FAM76A: variants seen among roughly 807,000 people sequenced by gnomAD.
FAM76A encodes the protein family with sequence similarity 76 member A, also known as protein FAM76A.
In FAM76A, 32 loss-of-function variants were observed where a neutral mutation model predicts 46.2. The ratio of observed to expected loss-of-function variants is 0.69; its 90% CI spans 0.52 to 0.93. The LOEUF (loss-of-function observed/expected upper bound fraction) is 0.93, where lower values mean the gene tolerates loss of function less well. Ranked by LOEUF, FAM76A falls within the 40% of genes least tolerant of loss-of-function variation. The probability of loss-of-function intolerance (pLI) is 0.00; values close to 1 mark genes in which losing one functional copy is unlikely to be tolerated. For synonymous variants in FAM76A, 137 were observed against 127.0 expected (o/e 1.08, Z -0.53); for missense variants, 274 against 361.5 (o/e 0.76, Z 1.96).
intron 4 of FAM76A, chr1:27,740,048 C>T: frequency 2.5e-6 from 1 of 400,812 alleles, no homozygotes; most frequent in Middle Eastern, 4.3e-4. Flanking sequence ...TCTGGGTCCA[C>T]CTGGATGTCA....
Position 27,760,496 on chromosome 1 carries a change from C to T in FAM76A, c.839C>T (p.Ala280Val). 6.2e-7 allele frequency: 1 copy of T among 1,605,290 alleles called. No individual in the cohort carries two copies. The highest frequency in any genetic ancestry group is 8.5e-7 in the Non-Finnish European group (1 of 1,176,090). The change falls in exon 9 of 9, where the codon GCC becomes GTC. Residue 280 changes from alanine (A) to valine (V), a missense_variant and splice_region_variant. Coordinates refer to ENST00000373954, the MANE Select transcript of FAM76A (RefSeq NM_152660.3). ...THKEVTEQLQ[A>V]KNRELLKQAA... ...TGCACTGATTTTTTTTTTCTTTAGG[C>T]CAAAAACCGAGAGCTCCTGAAGCAG...
In FAM76A at chr1:27,750,842, G is replaced by A. The variant is rs2088319150; in HGVS notation, c.599+1688G>A. On this transcript the variant is annotated intron_variant, in intron 6 of 8. Transcript: ENST00000373954. Reference sequence around the variant, plus strand: ...AAGCTGATCCTTGACATAGGTACATGGTCTTTCATGGTGTCCTCCAGAAAA... The same window carrying A: ...AAGCTGATCCTTGACATAGGTACATAGTCTTTCATGGTGTCCTCCAGAAAA... Among the ~76,000 whole-genome samples, 7 of 152,288 alleles carry A rather than the reference G, an allele frequency of 4.6e-5. No homozygotes were observed. In the South Asian group the frequency reaches 1.2e-3, roughly 27 times the overall value.
intron 6 of FAM76A, among the ~76,000 whole-genome samples, chr1:27,754,172 T>C (rs2088374831): frequency 7.0e-6 from 1 of 143,032 alleles, no homozygotes; most frequent in African/African-American, 2.6e-5. Context: ...AATGGCGCAA[T>C]CTTGGCTCAC....
At chr1:27,751,595 C>G (rs1404615274) in intron 6 of FAM76A, among the ~76,000 whole-genome samples, 1 of 151,558 alleles carries the variant, frequency 6.6e-6, no homozygotes, top group African/African-American at 2.4e-5. Context: ...GCCTCGACCT[C>G]CTGGGCTCAG....
intron 3 of FAM76A, 25 bp from the exon 4 acceptor site, chr1:27,734,006 C>A (rs1265068114): frequency 6.3e-7 from 1 of 1,595,616 alleles, no homozygotes; most frequent in Non-Finnish European, 8.5e-7. Context: ...GTAATACTTA[C>A]TTGACTCTTT....
chr1:27,727,921 C>T (rs185924123), intron 2 of FAM76A, among the ~76,000 whole-genome samples: 1 of 150,966 alleles, frequency 6.6e-6, no homozygotes, highest in East Asian at 1.9e-4. Flanking sequence ...GATTCTTATG[C>T]CTCAGCCTCC....
chr1:27,738,276 G>C (rs2088090835), intron 4 of FAM76A, among the ~76,000 whole-genome samples: 1 of 151,998 alleles, frequency 6.6e-6, no homozygotes, highest in Admixed American at 6.6e-5. Flanking sequence ...TGGATCACGA[G>C]GTCAGGAGTT....
At chr1:27,752,504 A>G (rs2088347741) in intron 6 of FAM76A, among the ~76,000 whole-genome samples, 1 of 152,212 alleles carries the variant, frequency 6.6e-6, no homozygotes, top group South Asian at 2.1e-4. Flanking sequence ...ATAGGCAATC[A>G]AAAAAGCAGC....
At chr1:27,740,424 C>G (rs2088131627) in intron 4 of FAM76A, 1 of 1,461,258 alleles carries the variant, frequency 6.8e-7, no homozygotes, top group Admixed American at 1.7e-5. Context: ...GCCAAACATT[C>G]ACTGGTTGAG....
intron 7 of FAM76A, among the ~76,000 whole-genome samples, chr1:27,757,373 T>C (rs944719077): frequency 6.6e-6 from 1 of 151,348 alleles, no homozygotes; most frequent in Non-Finnish European, 1.5e-5. Flanking sequence ...ATTTTTGTTT[T>C]TGTTTTTGAT....
At chr1:27,745,285 C>T (rs151288029) in intron 5 of FAM76A, among the ~76,000 whole-genome samples, 1 of 152,176 alleles carries the variant, frequency 6.6e-6, no homozygotes, top group Non-Finnish European at 1.5e-5. Flanking sequence ...GGAATGCTGG[C>T]TCTGCCAGGT....
rs72655049 is a variant in FAM76A at position 27,739,209 on chromosome 1, C to T, written c.354+5026C>T. ...GGATGCTGGAGGAAAAGCTGGTGCCCCTATTGTATGCATGCTGAACCAGGG... is the reference window on the plus strand; with the variant it reads ...GGATGCTGGAGGAAAAGCTGGTGCCTCTATTGTATGCATGCTGAACCAGGG... On this transcript the variant is annotated intron_variant, in intron 4 of 8. Coordinates refer to ENST00000373954, the MANE Select transcript of FAM76A (RefSeq NM_152660.3). 4.5e-3 allele frequency: 2,055 copies of T among 451,952 alleles called. 6 individuals carry two copies. The highest frequency in any genetic ancestry group is 5.9e-3 in the South Asian group (360 of 60,612). The allele number at this position is 451,952 out of a possible 1,614,324, so 28.0% of individuals were successfully genotyped here. A position where few individuals can be genotyped will look rare whatever the true frequency, so the allele number is the denominator to read the frequency against.
At chr1:27,744,550 G>C (rs574030075) in intron 4 of FAM76A, 104 bp from the exon 5 acceptor site, 10 of 1,236,942 alleles carry the variant, frequency 8.1e-6, no homozygotes, top group Non-Finnish European at 1.0e-5. Flanking sequence ...CAGCACATAA[G>C]TTTCAGAACT....
intron 4 of FAM76A, among the ~76,000 whole-genome samples, chr1:27,742,445 C>T (rs1192695478): frequency 6.6e-6 from 1 of 152,174 alleles, no homozygotes; most frequent in Non-Finnish European, 1.5e-5. Context: ...CTAATTCAAA[C>T]AGTGCCATGG....
chr1:27,743,155 A>G (rs1339326873), intron 4 of FAM76A, among the ~76,000 whole-genome samples: 1 of 152,044 alleles, frequency 6.6e-6, no homozygotes, highest in East Asian at 1.9e-4. Flanking sequence ...AAAAATATCT[A>G]TTTATTCATT....
In FAM76A at chr1:27,752,859, G is replaced by A. The variant is rs888643310; in HGVS notation, c.600-2336G>A. 2.6e-5 allele frequency among the ~76,000 whole-genome samples: 4 copies of A among 152,126 alleles called. No individual in the cohort carries two copies. The South Asian group carries it at 8.3e-4, about 32-fold the overall frequency. On this transcript the variant is annotated intron_variant, in intron 6 of 8. Transcript: ENST00000373954. ...TTTCTAGTAGTTCTTACTGAACCAG[G>A]AATTAGAGAGTTAGTGAGGGCTGGG...
chr1:27,732,640 G>T lies in FAM76A; in HGVS notation c.184G>T (p.Val62Leu). The T allele has an allele frequency of 6.2e-7, 1 of 1,608,956 alleles. No homozygotes were observed. The highest frequency in any genetic ancestry group is 1.1e-5 in the South Asian group (1 of 90,684). The change falls in exon 3 of 9, where the codon GTG becomes TTG. Residue 62 changes from valine (V) to leucine (L), a missense_variant. Physicochemically the swap from Val to Leu is conservative, Grantham distance 32 (BLOSUM62 1). Coordinates refer to ENST00000373954, the MANE Select transcript of FAM76A (RefSeq NM_152660.3). Reference protein sequence around the residue: ...NTICKKCAQNVQLYGTPKPCQ... With the variant: ...NTICKKCAQNLQLYGTPKPCQ... Reference sequence around the variant, plus strand: ...AATATGCAAGAAATGTGCTCAGAACGTGCAGTTGTATGGAACGGTAAGTAG... The same window carrying T: ...AATATGCAAGAAATGTGCTCAGAACTTGCAGTTGTATGGAACGGTAAGTAG...
At chr1:27,756,532 C>T (rs1328538678) in intron 7 of FAM76A, among the ~76,000 whole-genome samples, 2 of 152,026 alleles carry the variant, frequency 1.3e-5, no homozygotes, top group Non-Finnish European at 2.9e-5. Flanking sequence ...CTGAAGTGAT[C>T]TGCCTGCCTC....
Position 27,755,328 on chromosome 1 carries a change from A to G in FAM76A, c.733A>G (p.Lys245Glu). The change falls in exon 7 of 9, where the codon AAG becomes GAG. Residue 245 changes from lysine to glutamate, a missense_variant and splice_region_variant. Coordinates refer to ENST00000373954, the MANE Select transcript of FAM76A (RefSeq NM_152660.3). Reference protein sequence around the residue: ...KDQMILEKEKKITELKADFQY... With the variant: ...KDQMILEKEKEITELKADFQY... ...TCAAATGATTTTAGAGAAAGAGAAG[A>G]AGGTATGGTTTAGTTAATTCCTCTC... 6.2e-7 allele frequency: 1 copy of G among 1,614,068 alleles called. No homozygotes were observed. The highest frequency in any genetic ancestry group is 8.5e-7 in the Non-Finnish European group (1 of 1,180,000).
Sources: allele counts gnomAD v4.1 joint callset (sites outside exome capture counted in the v4.1 genomes callset), GRCh38; gene constraint gnomAD v4.1.1; transcripts MANE v1.5; gene names NCBI Gene and HGNC (gene_info 2026-07-23, HGNC 2026-07-21).